The following ERLIN2 variants were observed in gnomAD, a reference collection of about 807,000 sequenced individuals.
The protein encoded by ERLIN2 is erlin-2.
A neutral mutation model predicts 41.5 loss-of-function variants in ERLIN2; 22 were observed. The ratio of observed to expected loss-of-function variants is 0.53; its 90% CI spans 0.38 to 0.76. The LOEUF (loss-of-function observed/expected upper bound fraction) is 0.76. ERLIN2 is among the 30% of genes least tolerant of loss of function. ERLIN2 has a pLI of 0.00. For missense variants in ERLIN2, 247 were observed against 414.3 expected (o/e 0.60, Z 3.51); for synonymous variants, 149 against 150.9 (o/e 0.99, Z 0.09).
intron 6 of ERLIN2, among the ~76,000 whole-genome samples, chr8:37,748,896 G>A (rs1803145036): frequency 6.6e-6 from 1 of 152,188 alleles, no homozygotes. Context: ...TCCTACATTT[G>A]TCTGTGAAAC....
chr8:37,753,848 G>A (rs911485992), intron 11 of ERLIN2, 67 bp from the exon 12 acceptor site: 127 of 1,384,308 alleles, frequency 9.2e-5, no homozygotes, highest in Non-Finnish European at 4.9e-5. Context: ...AATTGAAGGG[G>A]CACCACTCCC....
At position 37,741,800 on chromosome 8, in the gene ERLIN2, A is replaced by G; in HGVS notation, c.218A>G (p.Asn73Ser). ...ACACTCCAGACAGATGAGGTGAAGA[A>G]TGTACCTTGTGGGACTAGGTAAGGT... ...QTTLQTDEVK[N>S]VPCGTSGGVM... The change falls in exon 4 of 12, where the codon AAT becomes AGT. Residue 73 changes from asparagine (N) to serine (S), a missense_variant. Asn to Ser is a conservative substitution (Grantham distance 46, BLOSUM62 1). This residue lies in a region of ERLIN2 where 93 missense variants were observed against 139.0 expected (regional missense o/e 0.67). Transcript: ENST00000519638. This position sits in a 1 kb window ranked among gnomAD's most constrained non-coding sequence, Gnocchi z 4.8. 6.2e-7 allele frequency: 1 copy of G among 1,613,698 alleles called. No individual in the cohort carries two copies. Among genetic ancestry groups the G allele is most frequent in the Non-Finnish European group, 8.5e-7 (1 of 1,179,570 alleles).
intron 2 of ERLIN2, among the ~76,000 whole-genome samples, chr8:37,739,824 TAGAC>T (rs918491226): frequency 1.3e-5 from 2 of 151,312 alleles, no homozygotes; most frequent in African/African-American, 2.4e-5. Context: ...TTTTTTTTTT[TAGAC>T]AGAGTCTCAC....
chr8:37,750,584 T>A (rs1246808355), intron 9 of ERLIN2, 98 bp downstream of exon 9: 4 of 953,980 alleles, frequency 4.2e-6, no homozygotes, highest in South Asian at 2.6e-5. Flanking sequence ...CCCATGGTCC[T>A]CCAAACCACT....
At position 37,754,165 on chromosome 8, in the gene ERLIN2, T is replaced by A. The variant is rs1386828958; in HGVS notation, c.*50T>A. The A allele has an allele frequency of 2.2e-6, 3 of 1,338,782 alleles. No homozygotes were observed. The African/African-American group carries it at 4.3e-5, about 19-fold the overall frequency. 82.9% of individuals were successfully genotyped at this position (1,338,782 alleles called of 1,614,324 possible). A position where few individuals can be genotyped will look rare whatever the true frequency, so the allele number is the denominator to read the frequency against. On this transcript the variant is annotated 3_prime_UTR_variant, in exon 12 of 12. Transcript: ENST00000519638. Reference sequence around the variant, plus strand: ...GATACTTAAGCAGATCTTTATTTTTTAAGATGAATCAGAATGTTCCTCCCT... The same window carrying A: ...GATACTTAAGCAGATCTTTATTTTTAAAGATGAATCAGAATGTTCCTCCCT...
intron 9 of ERLIN2, among the ~76,000 whole-genome samples, chr8:37,750,941 G>A (rs1352875327): frequency 1.3e-5 from 2 of 152,200 alleles, no homozygotes; most frequent in South Asian, 2.1e-4. Context: ...AGCTGGCCTC[G>A]AACACTTGAC....
intron 5 of ERLIN2, 61 bp from the exon 6 acceptor site, chr8:37,744,510 G>A (rs560537773): frequency 3.2e-5 from 51 of 1,612,412 alleles, no homozygotes; most frequent in East Asian, 2.5e-4. Context: ...GAGAGCTGCC[G>A]TGTCTGAGGG....
At chr8:37,743,056 A>G (rs1459219363) in intron 4 of ERLIN2, among the ~76,000 whole-genome samples, 1 of 152,194 alleles carries the variant, frequency 6.6e-6, no homozygotes, top group African/African-American at 2.4e-5. Context: ...CCACAAAGAA[A>G]CACTCTGACA....
intron 10 of ERLIN2, among the ~76,000 whole-genome samples, chr8:37,752,306 C>G (rs918889418): frequency 2.0e-5 from 3 of 152,160 alleles, no homozygotes; most frequent in Admixed American, 1.3e-4. Flanking sequence ...CCTCTTACTT[C>G]TTGGGGTGGC....
chr8:37,737,803 A>G (rs1262119546), intron 1 of ERLIN2, 105 bp from the exon 2 acceptor site: 8 of 1,349,490 alleles, frequency 5.9e-6, no homozygotes, highest in Non-Finnish European at 8.3e-6. Context: ...ACCAGGCTGG[A>G]TATGAGTCAC....
intron 9 of ERLIN2, among the ~76,000 whole-genome samples, chr8:37,751,227 C>T (rs192762912): frequency 6.6e-6 from 1 of 152,320 alleles, no homozygotes; most frequent in Admixed American, 6.5e-5. Flanking sequence ...AGGGGTGGAA[C>T]TGGGGTTCAA....
chr8:37,752,177 A>G (rs1803233722), intron 10 of ERLIN2, among the ~76,000 whole-genome samples: 2 of 152,284 alleles, frequency 1.3e-5, no homozygotes, highest in South Asian at 4.1e-4. Context: ...TTTGAAGAAG[A>G]CAGATTTTCA....
chr8:37,751,685 G>C lies in ERLIN2; in HGVS notation c.709G>C (p.Glu237Gln), dbSNP rs1299983529. The C allele has an allele frequency of 6.2e-7, 1 of 1,613,886 alleles. No homozygotes were observed. The highest frequency in any genetic ancestry group is 2.2e-5 in the East Asian group (1 of 44,902). The change falls in exon 10 of 12, where the codon GAG becomes CAG. Residue 237 changes from glutamate to glutamine, a missense_variant. Physicochemically the swap from Glu to Gln is conservative, Grantham distance 29 (BLOSUM62 2). Coordinates refer to ENST00000519638, the MANE Select transcript of ERLIN2 (RefSeq NM_007175.8). ...CTACGGGCAGAAGGTGATGGAGAAG[G>C]AGACTGAGAAGAAGATTTCAGAAAT... ...ITYGQKVMEKETEKKISEIED... is the reference protein window; with the variant it reads ...ITYGQKVMEKQTEKKISEIED...
chr8:37,751,023 A>C (rs1036214652), intron 9 of ERLIN2, among the ~76,000 whole-genome samples: 3 of 152,162 alleles, frequency 2.0e-5, no homozygotes, highest in African/African-American at 7.2e-5. Flanking sequence ...CCAGCCTGTT[A>C]ATTCTTAATA....
chr8:37,740,378 C>T lies in ERLIN2; in HGVS notation c.121C>T (p.Leu41=), dbSNP rs1486198135. The T allele has an allele frequency of 1.2e-6, 2 of 1,612,222 alleles. No individual in the cohort carries two copies. ...IGVYYRGGAL[L]TSTSGPGFHL... Reference sequence around the variant, plus strand: ...CCTCCTCTGCAGAGGCGGTGCCCTGCTGACTTCGACCAGCGGCCCTGGTTT... The same window carrying T: ...CCTCCTCTGCAGAGGCGGTGCCCTGTTGACTTCGACCAGCGGCCCTGGTTT... Residue 41 remains leucine (L), a synonymous_variant, in exon 3 of 12, where the codon CTG becomes TTG. Coordinates refer to ENST00000519638, the MANE Select transcript of ERLIN2 (RefSeq NM_007175.8).
In ERLIN2 at chr8:37,753,944, G is replaced by C. The variant is rs1269375247; in HGVS notation, c.849G>C (p.Leu283=). ...KLKLTPEYLQ[L]MKYKAIASNS... The stretch of plus-strand genomic sequence containing the variant: ...AGCTAACCCCTGAATATCTGCAGCT[G>C]ATGAAGTACAAGGCCATTGCTTCCA... The change falls in exon 12 of 12, where the codon CTG becomes CTC. Residue 283 remains leucine, a synonymous_variant. Transcript: ENST00000519638. The C allele has an allele frequency of 1.9e-6, 3 of 1,613,116 alleles. No individual in the cohort carries two copies. The highest frequency in any genetic ancestry group is 2.5e-6 in the Non-Finnish European group (3 of 1,179,678).
At chr8:37,742,212 A>G (rs894419377) in intron 4 of ERLIN2, among the ~76,000 whole-genome samples, 1 of 151,972 alleles carries the variant, frequency 6.6e-6, no homozygotes, top group Non-Finnish European at 1.5e-5. Context: ...GTGGTGGTGC[A>G]TGCATGTAGT....
In ERLIN2 at chr8:37,756,648, A is replaced by G. The variant is rs529572423; in HGVS notation, c.*2533A>G. ...TCTAAATAGCAAAATCATGAAAATC[A>G]GCTGTTTTATTTGCATAGGACAACT... On this transcript the variant is annotated 3_prime_UTR_variant, in exon 12 of 12. Coordinates refer to ENST00000519638, the MANE Select transcript of ERLIN2 (RefSeq NM_007175.8). 1.3e-5 allele frequency: 2 copies of G among 152,744 alleles called. No individual in the cohort carries two copies. The highest frequency in any genetic ancestry group is 1.3e-4 in the Admixed American group (2 of 15,306). The allele number at this position is 152,744 out of a possible 1,614,324, so 9.5% of individuals were successfully genotyped here. A position where few individuals can be genotyped will look rare whatever the true frequency, so the allele number is the denominator to read the frequency against.
chr8:37,749,502 C>T, intron 6 of ERLIN2, 57 bp from the exon 7 acceptor site: 2 of 1,197,760 alleles, frequency 1.7e-6, no homozygotes, highest in Admixed American at 1.7e-5. Flanking sequence ...CTCATCCTGC[C>T]CTCCCTCATC....
Sources: gnomAD v4.1 joint callset for allele counts (sites outside exome capture counted in the v4.1 genomes callset) on GRCh38, gnomAD v4.1.1 for gene constraint, gnomAD v4.1.1 regional missense constraint, Gnocchi (gnomAD v3.1) non-coding constraint, MANE v1.5 for transcripts, NCBI Gene and HGNC (gene_info 2026-07-23, HGNC 2026-07-21) for gene names.